Variants in MBP observed in about 807,000 individuals in gnomAD.
MBP encodes the protein Golli-MBP.
A neutral mutation model predicts 35.8 loss-of-function variants in MBP; 16 were observed. The ratio of observed to expected loss-of-function variants is 0.45; its 90% CI spans 0.30 to 0.68. The LOEUF (loss-of-function observed/expected upper bound fraction) is 0.68. MBP is among the 30% of genes least tolerant of loss of function. The pLI is 0.08. For missense variants in MBP, 380 were observed against 404.7 expected, an observed-to-expected ratio of 0.94 and a Z score of 0.52; for synonymous variants, 143 against 159.6, an observed-to-expected ratio of 0.90 and a Z score of 0.78.
chr18:77,091,726 CAT>C (rs535110725), intron 2 of MBP, among the ~76,000 whole-genome samples: 5 of 151,824 alleles, frequency 3.3e-5, no homozygotes, highest in African/African-American at 1.2e-4. Flanking sequence ...CACATACACA[CAT>C]ATACACACCA....
chr18:77,039,282 AG>A (rs1419859770), intron 3 of MBP, among the ~76,000 whole-genome samples: 1 of 152,194 alleles, frequency 6.6e-6, no homozygotes, highest in Non-Finnish European at 1.5e-5. Flanking sequence ...TAAAGTTCTA[AG>A]AACAGGCAGG....
chr18:77,126,264 C>A (rs190980010), intron 1 of MBP, among the ~76,000 whole-genome samples: 81 of 152,302 alleles, frequency 5.3e-4, no homozygotes, highest in Non-Finnish European at 7.9e-4. Context: ...GGTGGGTCAG[C>A]ATTAGAGAGT....
At chr18:77,011,365 A>G (rs956153073) in intron 4 of MBP, among the ~76,000 whole-genome samples, 4 of 152,352 alleles carry the variant, frequency 2.6e-5, no homozygotes, top group African/African-American at 7.2e-5. Context: ...CGCTATGTAC[A>G]GGGCCAACAA....
intron 2 of MBP, among the ~76,000 whole-genome samples, chr18:77,100,100 TCA>T (rs1470198554): frequency 2.0e-5 from 3 of 152,190 alleles, no homozygotes; most frequent in Non-Finnish European, 4.4e-5. Flanking sequence ...CCTCACTGCC[TCA>T]CAACGTGACT....
chr18:76,984,307 G>A (rs778562818), intron 8 of MBP: 3 of 164,026 alleles, frequency 1.8e-5, no homozygotes, highest in African/African-American at 4.8e-5. Flanking sequence ...CCTGGCATTC[G>A]TCCTGGGTCT....
At chr18:77,108,434 G>A (rs1976345812) in intron 1 of MBP, 2 of 152,236 alleles carry the variant, frequency 1.3e-5, no homozygotes, top group African/African-American at 4.8e-5. Flanking sequence ...AAAGGAAAGA[G>A]AGGGAGGAAG....
chr18:77,107,237 T>G (rs1028022791), intron 1 of MBP, among the ~76,000 whole-genome samples: 1 of 152,206 alleles, frequency 6.6e-6, no homozygotes, highest in African/African-American at 2.4e-5. Context: ...CTTCCTTTAG[T>G]TAAGGTTGAC....
At chr18:77,099,669 G>T (rs755899107) in intron 2 of MBP, among the ~76,000 whole-genome samples, 17 of 152,236 alleles carry the variant, frequency 1.1e-4, no homozygotes, top group Non-Finnish European at 1.9e-4. Flanking sequence ...CCAGCTCTGC[G>T]ACTCAGTGCC....
rs377407533 is a variant in MBP at position 77,074,697 on chromosome 18, G to A, written c.52-8312C>T. Among the ~76,000 whole-genome samples the A allele has an allele frequency of 1.9e-4, 29 of 152,238 alleles. 1 individual carries two copies. The South Asian group carries it at 3.9e-3, about 21-fold the overall frequency. On this transcript the variant is annotated intron_variant, in intron 2 of 8. Coordinates refer to ENST00000355994, the MANE Select transcript of MBP (RefSeq NM_001025101.2). ...CAGCTGGGGCGGAACCAAAGTCCAC[G>A]ATTTCATGGGAAATCGATTCCCAGA...
intron 2 of MBP, among the ~76,000 whole-genome samples, chr18:77,098,410 C>T (rs923931115): frequency 1.1e-4 from 16 of 152,146 alleles, no homozygotes; most frequent in African/African-American, 3.6e-4. Flanking sequence ...AAGTTTATCA[C>T]TGTCCTATGC....
In MBP at chr18:76,980,272, AGGCTGCCGT is replaced by A; in HGVS notation, c.*146_*154del. On this transcript the variant is annotated 3_prime_UTR_variant, in exon 9 of 9. Coordinates refer to ENST00000355994, the MANE Select transcript of MBP (RefSeq NM_001025101.2). ...TAACTGTTGGCCGGAAATTGCCGGT[AGGCTGCCGT>A]GGCCTGACCCTACTACGTGCACAAC... 1.3e-6 allele frequency: 1 copy of A among 754,596 alleles called. No homozygotes were observed. The allele number at this position is 754,596 out of a possible 1,614,324, so 46.7% of individuals were successfully genotyped here.
At chr18:77,118,672 A>ACACACACACAC (rs1568348723) in intron 1 of MBP, among the ~76,000 whole-genome samples, 1 of 133,228 alleles carries the variant, frequency 7.5e-6, no homozygotes, top group Non-Finnish European at 1.6e-5. Context: ...ACTACATACC[A>ACACACACACAC]CACACACACA....
At chr18:76,997,379 C>T (rs956515321) in intron 4 of MBP, among the ~76,000 whole-genome samples, 1 of 152,178 alleles carries the variant, frequency 6.6e-6, no homozygotes, top group East Asian at 1.9e-4. Context: ...CCCCTGGGGC[C>T]CTGGGGCTTC....
At chr18:77,096,465 TA>T (rs5826493) in intron 2 of MBP, among the ~76,000 whole-genome samples, 2 of 151,566 alleles carry the variant, frequency 1.3e-5, no homozygotes, top group African/African-American at 2.4e-5. Context: ...GCAGCTTAAA[TA>T]AAAAAAAATC....
intron 2 of MBP, among the ~76,000 whole-genome samples, chr18:77,073,861 C>G (rs1465898962): frequency 6.6e-6 from 1 of 152,216 alleles, no homozygotes; most frequent in African/African-American, 2.4e-5. Flanking sequence ...CACAGCCAAA[C>G]CCAACTTCAC....
intron 3 of MBP, among the ~76,000 whole-genome samples, chr18:77,039,311 G>T (rs60113661): frequency 0.033 from 5,045 of 152,308 alleles, 188 homozygotes; most frequent in East Asian, 0.14. Flanking sequence ...AGTTGGTGCT[G>T]CCCTGATGGG....
In MBP at chr18:77,102,095, T is replaced by C. The variant is rs1372900602; in HGVS notation, c.51+3116A>G. Among the ~76,000 whole-genome samples the C allele has an allele frequency of 6.6e-6, 1 of 151,858 alleles. No individual in the cohort carries two copies. The highest frequency in any genetic ancestry group is 1.5e-5 in the Non-Finnish European group (1 of 68,006). ...TCAGAGCACTCAGCCGCAGGCTCTA[T>C]GACAGCAGAGGAAAGAATCATCTAG... On this transcript the variant is annotated intron_variant, in intron 2 of 8. Coordinates refer to ENST00000355994, the MANE Select transcript of MBP (RefSeq NM_001025101.2). This position sits in a 1 kb window ranked among gnomAD's most constrained non-coding sequence, Gnocchi z 4.4.
intron 2 of MBP, among the ~76,000 whole-genome samples, chr18:77,077,040 A>G (rs925471244): frequency 8.5e-5 from 13 of 152,118 alleles, no homozygotes; most frequent in Non-Finnish European, 1.8e-4. Flanking sequence ...CTGGCACAGA[A>G]TTAGTGCCGT....
At chr18:77,050,639 C>T (rs1973451704) in intron 3 of MBP, among the ~76,000 whole-genome samples, 1 of 152,148 alleles carries the variant, frequency 6.6e-6, no homozygotes, top group South Asian at 2.1e-4. Flanking sequence ...CTGTGTCTCC[C>T]AGATTCAAGT....
Sources: allele counts gnomAD v4.1 joint callset (sites outside exome capture counted in the v4.1 genomes callset), GRCh38; gene constraint gnomAD v4.1.1; non-coding constraint Gnocchi (gnomAD v3.1); transcripts MANE v1.5; gene names NCBI Gene and HGNC (gene_info 2026-07-23, HGNC 2026-07-21).